The following GAS7 variants were observed in gnomAD, a reference collection of about 807,000 sequenced individuals.
GAS7 encodes the protein growth arrest specific 7.
A neutral mutation model predicts 71.1 loss-of-function variants in GAS7; 28 were observed. The ratio of observed to expected loss-of-function variants is 0.39; its 90% CI spans 0.29 to 0.54. GAS7 has a LOEUF of 0.54. Ranked by LOEUF, GAS7 falls within the 20% of genes least tolerant of loss-of-function variation. The probability of loss-of-function intolerance (pLI) is 0.62; values close to 1 mark genes in which losing one functional copy is unlikely to be tolerated. For synonymous variants in GAS7, 258 were observed against 245.8 expected (o/e 1.05, Z -0.46); for missense variants, 436 against 627.8 (o/e 0.69, Z 3.27).
At chr17:9,957,270 G>C (rs974984800) in intron 5 of GAS7, among the ~76,000 whole-genome samples, 2 of 152,262 alleles carry the variant, frequency 1.3e-5, no homozygotes. Flanking sequence ...AGGTCTTGGA[G>C]GCTTGAGAAT....
intron 1 of GAS7, among the ~76,000 whole-genome samples, chr17:10,123,653 C>A (rs2073922183): frequency 6.6e-6 from 1 of 152,252 alleles, no homozygotes; most frequent in African/African-American, 2.4e-5. Flanking sequence ...CAGGCTGTTG[C>A]CTCCAACCTC....
At chr17:10,175,211 C>A (rs1028909174) in intron 1 of GAS7, among the ~76,000 whole-genome samples, 8 of 132,094 alleles carry the variant, frequency 6.1e-5, no homozygotes, top group Middle Eastern at 3.7e-3. Flanking sequence ...GCTAGGAATA[C>A]ATGTTAGTAA....
chr17:9,965,556 A>T (rs113500738), intron 4 of GAS7, among the ~76,000 whole-genome samples: 2,721 of 152,286 alleles, frequency 0.018, 94 homozygotes, highest in African/African-American at 0.061. Context: ...ACAAATACCT[A>T]CTGCACGCAG....
chr17:9,919,966 A>ATT lies in GAS7; in HGVS notation c.1139-263_1139-262dup, dbSNP rs1491119117. 3.2e-5 allele frequency among the ~76,000 whole-genome samples: 3 copies of ATT among 94,430 alleles called. No homozygotes were observed. The highest frequency in any genetic ancestry group is 4.6e-5 in the Non-Finnish European group (2 of 43,548). The allele number at this position is 94,430 out of a possible 152,430, so 61.9% of individuals were successfully genotyped here. ...CCAAGGATTCAGGATGGTGGTTCTC[A>ATT]TTTTGTGTGTGTGTGTGTGTGTGTG... On this transcript the variant is annotated intron_variant, in intron 11 of 13. Coordinates refer to ENST00000432992, the MANE Select transcript of GAS7 (RefSeq NM_201433.2). The surrounding 1 kb of genome is among the most constrained non-coding windows in gnomAD (Gnocchi z 5.0).
At chr17:10,163,452 A>G (rs1004833140) in intron 1 of GAS7, among the ~76,000 whole-genome samples, 4 of 152,160 alleles carry the variant, frequency 2.6e-5, no homozygotes, top group Non-Finnish European at 5.9e-5. Flanking sequence ...AAAAAAAAAA[A>G]AAAGAAAGGG....
intron 1 of GAS7, among the ~76,000 whole-genome samples, chr17:10,146,620 T>C (rs2074122968): frequency 6.6e-6 from 1 of 152,174 alleles, no homozygotes; most frequent in East Asian, 1.9e-4. Flanking sequence ...TGATGCTCTC[T>C]CAGCTTGGAC....
chr17:9,994,566 A>G (rs2070964663), intron 2 of GAS7, among the ~76,000 whole-genome samples: 1 of 149,104 alleles, frequency 6.7e-6, no homozygotes, highest in Non-Finnish European at 1.5e-5. Context: ...TAGACCTAAA[A>G]CCATAAAAAC....
intron 2 of GAS7, among the ~76,000 whole-genome samples, chr17:9,992,638 T>C (rs1054930559): frequency 6.6e-6 from 1 of 151,784 alleles, no homozygotes; most frequent in African/African-American, 2.4e-5. Context: ...AGTTTTAGGG[T>C]ACATGTGCAC....
chr17:10,128,119 G>T (rs1416319299), intron 1 of GAS7, among the ~76,000 whole-genome samples: 1 of 152,228 alleles, frequency 6.6e-6, no homozygotes, highest in East Asian at 1.9e-4. Context: ...GTCACACACG[G>T]AGGCCATGCG....
At chr17:10,173,999 C>T (rs973055647) in intron 1 of GAS7, among the ~76,000 whole-genome samples, 1 of 152,164 alleles carries the variant, frequency 6.6e-6, no homozygotes. Context: ...GGTGTGTACT[C>T]ACCTGTCCTT....
intron 1 of GAS7, among the ~76,000 whole-genome samples, chr17:10,047,904 T>A (rs74453579): frequency 6.6e-6 from 1 of 152,198 alleles, no homozygotes; most frequent in Admixed American, 6.5e-5. Flanking sequence ...TGTTTAAAAA[T>A]ATTCCATTAT....
intron 1 of GAS7, among the ~76,000 whole-genome samples, chr17:10,118,056 A>C (rs1228939323): frequency 1.3e-5 from 2 of 152,088 alleles, no homozygotes; most frequent in African/African-American, 4.8e-5. Context: ...AGCTGGACCT[A>C]CTTGGGTCTG....
chr17:10,184,580 A>C (rs62064621), intron 1 of GAS7, among the ~76,000 whole-genome samples: 7,920 of 152,302 alleles, frequency 0.052, 284 homozygotes, highest in African/African-American at 0.1. Context: ...GGCAGACTGG[A>C]AGCAGTGGCA....
intron 5 of GAS7, among the ~76,000 whole-genome samples, chr17:9,957,019 A>C (rs990769071): frequency 1.3e-5 from 2 of 152,168 alleles, no homozygotes; most frequent in African/African-American, 4.8e-5. Flanking sequence ...TACACCGGGA[A>C]GTGTCCTGGG....
At chr17:10,065,316 A>G (rs1418668786) in intron 1 of GAS7, among the ~76,000 whole-genome samples, 3 of 152,216 alleles carry the variant, frequency 2.0e-5, no homozygotes, top group Admixed American at 6.5e-5. Flanking sequence ...TTTGGCCACT[A>G]TAACACTTGG....
intron 1 of GAS7, among the ~76,000 whole-genome samples, chr17:10,119,937 C>A (rs910622643): frequency 5.3e-5 from 8 of 152,150 alleles, no homozygotes; most frequent in Non-Finnish European, 7.4e-5. Context: ...GGATGTCACA[C>A]CCAGGCACAC....
chr17:10,082,570 C>T (rs916034663), intron 1 of GAS7, among the ~76,000 whole-genome samples: 9 of 152,154 alleles, frequency 5.9e-5, no homozygotes, highest in Admixed American at 1.3e-4. Flanking sequence ...GCAGTGACTT[C>T]GGAAAATAGT....
At chr17:9,956,596 A>C (rs1478704153) in intron 5 of GAS7, among the ~76,000 whole-genome samples, 1 of 152,124 alleles carries the variant, frequency 6.6e-6, no homozygotes, top group African/African-American at 2.4e-5. Flanking sequence ...CACACCAGGG[A>C]CAGCGGAAAC....
intron 9 of GAS7, among the ~76,000 whole-genome samples, chr17:9,930,965 C>T (rs529876074): frequency 6.6e-6 from 1 of 152,358 alleles, no homozygotes; most frequent in East Asian, 1.9e-4. Context: ...GAGGTCCACC[C>T]TGTGTCCTGA....
Sources: allele counts gnomAD v4.1 joint callset (sites outside exome capture counted in the v4.1 genomes callset), GRCh38; gene constraint gnomAD v4.1.1; non-coding constraint Gnocchi (gnomAD v3.1); transcripts MANE v1.5; gene names NCBI Gene and HGNC (gene_info 2026-07-23, HGNC 2026-07-21).